AHDC1: variants seen among roughly 807,000 people sequenced by gnomAD.
AHDC1 encodes the protein AT-hook DNA binding motif containing 1.
AHDC1 carries 7 observed loss-of-function variants against 87.9 expected under a neutral mutation model. The ratio of observed to expected loss-of-function variants is 0.08; its 90% CI spans 0.05 to 0.15. The LOEUF (loss-of-function observed/expected upper bound fraction) is 0.15, where lower values mean the gene tolerates loss of function less well. Among genes scored for constraint, AHDC1 ranks in the 10% least tolerant of loss-of-function variants. AHDC1 has a pLI of 1.00. For synonymous variants in AHDC1, 1,051 were observed against 1,006.8 expected (o/e 1.04, Z -0.83); for missense variants, 1,841 against 2,253.2 (o/e 0.82, Z 3.70).
At chr1:27,575,756 C>T (rs1234584370) in intron 3 of AHDC1, among the ~76,000 whole-genome samples, 4 of 151,826 alleles carry the variant, frequency 2.6e-5, no homozygotes, top group Admixed American at 2.0e-4. Context: ...CTTCCCGCGC[C>T]CCGGGCCCGG....
At chr1:27,576,369 G>A (rs2088750050) in intron 3 of AHDC1, among the ~76,000 whole-genome samples, 1 of 152,144 alleles carries the variant, frequency 6.6e-6, no homozygotes, top group Non-Finnish European at 1.5e-5. Flanking sequence ...GAAAGCGTCC[G>A]GACATCTGAA....
rs1364631718 is a variant in AHDC1 at position 27,565,397 on chromosome 1, C to T, written c.-628-6514G>A. Reference sequence around the variant, plus strand: ...TCCAAGCTCATTCCATGAAGAGGGGCGAGAGAGGAAGGACAGAGGCCACTG... The same window carrying T: ...TCCAAGCTCATTCCATGAAGAGGGGTGAGAGAGGAAGGACAGAGGCCACTG... On this transcript the variant is annotated intron_variant, in intron 3 of 8. Transcript: ENST00000673934. This position sits in a 1 kb window ranked among gnomAD's most constrained non-coding sequence, Gnocchi z 4.6. Among the ~76,000 whole-genome samples the T allele has an allele frequency of 1.3e-5, 2 of 152,106 alleles. No homozygotes were observed. The highest frequency in any genetic ancestry group is 2.9e-5 in the Non-Finnish European group (2 of 68,016).
At position 27,576,693 on chromosome 1, in the gene AHDC1, A is replaced by G. The variant is rs529440914; in HGVS notation, c.-628-17810T>C. On this transcript the variant is annotated intron_variant, in intron 3 of 8. Coordinates refer to ENST00000673934, the MANE Select transcript of AHDC1 (RefSeq NM_001371928.1). ...GCTGCTTCCCTCCTCCCTTTCAGGC[A>G]GTCCCTGGGGACCCCTTCTGCTCTG... Among the ~76,000 whole-genome samples, 176 of 152,338 alleles carry G rather than the reference A, an allele frequency of 1.2e-3. 1 individual carries two copies. The highest frequency in any genetic ancestry group is 4.0e-3 in the African/African-American group (168 of 41,570).
intron 3 of AHDC1, among the ~76,000 whole-genome samples, chr1:27,581,926 A>C (rs1214219738): frequency 1.3e-5 from 2 of 151,318 alleles, no homozygotes; most frequent in Non-Finnish European, 2.9e-5. Context: ...CCACCCACAC[A>C]CTCACTCCGT....
At position 27,550,169 on chromosome 1, in the gene AHDC1, G is replaced by A. The variant is rs771829079; in HGVS notation, c.1947C>T (p.Ala649=). ...TPSEPESVHQ[A]PDTQSISHFL... ...AGTGGGAGATGCTCTGGGTGTCGGG[G>A]GCCTGGTGCACCGACTCCGGCTCAC... The change falls in exon 8 of 9, where the codon GCC becomes GCT. Residue 649 remains alanine (A), a synonymous_variant. Coordinates refer to ENST00000673934, the MANE Select transcript of AHDC1 (RefSeq NM_001371928.1). The A allele has an allele frequency of 5.0e-6, 8 of 1,611,648 alleles. No homozygotes were observed. Among genetic ancestry groups the A allele is most frequent in the Non-Finnish European group, 6.8e-6 (8 of 1,179,836 alleles).
At position 27,561,210 on chromosome 1, in the gene AHDC1, A is replaced by G. The variant is rs1462839319; in HGVS notation, c.-628-2327T>C. Among the ~76,000 whole-genome samples the G allele has an allele frequency of 6.6e-6, 1 of 152,314 alleles. No homozygotes were observed. Among genetic ancestry groups the G allele is most frequent in the East Asian group, 1.9e-4 (1 of 5,180 alleles). ...AAAAGATGGAAATCTGGGTGGCCCTAGAGCCCTCCAGTGGGGGTAGATTGG... is the reference window on the plus strand; with the variant it reads ...AAAAGATGGAAATCTGGGTGGCCCTGGAGCCCTCCAGTGGGGGTAGATTGG... On this transcript the variant is annotated intron_variant, in intron 3 of 8. Coordinates refer to ENST00000673934, the MANE Select transcript of AHDC1 (RefSeq NM_001371928.1). The surrounding 1 kb of genome is among the most constrained non-coding windows in gnomAD (Gnocchi z 4.2).
Position 27,551,205 on chromosome 1 carries a change from G to A in AHDC1, c.911C>T (p.Ala304Val). Residue 304 changes from alanine to valine, a missense_variant, in exon 8 of 9, where the codon GCT becomes GTT. By Grantham distance (64) the Ala-to-Val change is moderately conservative. Transcript: ENST00000673934. Reference protein sequence around the residue: ...ALELPPLQPLADPLGLPGLAL... With the variant: ...ALELPPLQPLVDPLGLPGLAL... ...CAGGCCCGGCAGCCCCAGAGGATCA[G>A]CAAGAGGTTGCAGGGGTGGCAGCTC... The A allele has an allele frequency of 6.2e-7, 1 of 1,610,012 alleles. No individual in the cohort carries two copies. Among genetic ancestry groups the A allele is most frequent in the South Asian group, 1.1e-5 (1 of 91,022 alleles).
chr1:27,600,952 T>C (rs2089513969), intron 3 of AHDC1, among the ~76,000 whole-genome samples: 1 of 152,166 alleles, frequency 6.6e-6, no homozygotes, highest in Non-Finnish European at 1.5e-5. Flanking sequence ...CCCTCACGCA[T>C]TGAAACTGAG....
At chr1:27,581,366 G>GA (rs2088903436) in intron 3 of AHDC1, among the ~76,000 whole-genome samples, 1 of 151,178 alleles carries the variant, frequency 6.6e-6, no homozygotes, top group Admixed American at 6.6e-5. Flanking sequence ...TTTCTGGAGA[G>GA]AAAGCCCCTA....
intron 8 of AHDC1, among the ~76,000 whole-genome samples, chr1:27,546,797 C>T (rs1024604211): frequency 6.6e-6 from 1 of 152,188 alleles, no homozygotes; most frequent in African/African-American, 2.4e-5. Context: ...AATGGGGGTG[C>T]CAGCAGGGCT....
In AHDC1 at chr1:27,568,446, C is replaced by A. The variant is rs1355051969; in HGVS notation, c.-628-9563G>T. Among the ~76,000 whole-genome samples the A allele has an allele frequency of 7.9e-5, 12 of 152,108 alleles. No individual in the cohort carries two copies. The East Asian group carries it at 2.3e-3, about 29-fold the overall frequency. On this transcript the variant is annotated intron_variant, in intron 3 of 8. Coordinates refer to ENST00000673934, the MANE Select transcript of AHDC1 (RefSeq NM_001371928.1). ...AGCAGAGCAGCTCGGTCTCAGGTCG[C>A]TCGCGTGTTCAGCCTCTCCCAGACT...
At chr1:27,555,703 C>T (rs1276594059) in intron 5 of AHDC1, among the ~76,000 whole-genome samples, 1 of 152,204 alleles carries the variant, frequency 6.6e-6, no homozygotes, top group Non-Finnish European at 1.5e-5. Context: ...GAGATGCCCA[C>T]CAGAAGCCCC....
chr1:27,555,331 G>C (rs2019769512), intron 5 of AHDC1, among the ~76,000 whole-genome samples: 1 of 152,204 alleles, frequency 6.6e-6, no homozygotes, highest in Non-Finnish European at 1.5e-5. Context: ...ACTGAGACTT[G>C]AAGAGGGAAA....
At chr1:27,540,009 G>A (rs2018834825) in intron 8 of AHDC1, among the ~76,000 whole-genome samples, 1 of 152,052 alleles carries the variant, frequency 6.6e-6, no homozygotes, top group Non-Finnish European at 1.5e-5. Context: ...TCCAGCTGGA[G>A]ATGCCATATG....
At position 27,550,225 on chromosome 1, in the gene AHDC1, G is replaced by A. The variant is rs2019460304; in HGVS notation, c.1891C>T (p.Arg631Trp). The change falls in exon 8 of 9, where the codon CGG (arginine) becomes TGG (tryptophan). Residue 631 changes from arginine (R) to tryptophan (W), a missense_variant. Arg to Trp is a moderately radical substitution (Grantham distance 101, BLOSUM62 -3). Around this residue, in one of 13 missense-constraint regions of AHDC1, gnomAD observed 84 missense variants for 111.7 expected, o/e 0.75. Transcript: ENST00000673934. ...FLNRQSQCAG[R>W]CSPPRCWTPS... ...GTCCAGCAGCGGGGCGGTGAGCACCGTCCAGCGCACTGGCTCTGGCGGTTC... is the reference window on the plus strand; with the variant it reads ...GTCCAGCAGCGGGGCGGTGAGCACCATCCAGCGCACTGGCTCTGGCGGTTC... The A allele has an allele frequency of 1.2e-6, 2 of 1,613,590 alleles. No homozygotes were observed. Among genetic ancestry groups the A allele is most frequent in the Non-Finnish European group, 1.7e-6 (2 of 1,179,932 alleles).
chr1:27,585,660 G>GC lies in AHDC1; in HGVS notation c.-629+17736dup, dbSNP rs150740281. 3.9e-3 allele frequency among the ~76,000 whole-genome samples: 598 copies of GC among 152,224 alleles called. 5 individuals carry two copies. Among genetic ancestry groups the GC allele is most frequent in the African/African-American group, 0.014 (585 of 41,520 alleles). On this transcript the variant is annotated intron_variant, in intron 3 of 8. Coordinates refer to ENST00000673934, the MANE Select transcript of AHDC1 (RefSeq NM_001371928.1). Reference sequence around the variant, plus strand: ...AGCAGAGACTGCACACCTTCGAGAAGCCCCTTGTGGCAGGGACCCCCTCCT... The same window carrying GC: ...AGCAGAGACTGCACACCTTCGAGAAGCCCCCTTGTGGCAGGGACCCCCTCCT...
chr1:27,544,287 G>C (rs1302698042), intron 8 of AHDC1, among the ~76,000 whole-genome samples: 2 of 152,192 alleles, frequency 1.3e-5, no homozygotes, highest in African/African-American at 2.4e-5. Context: ...AGGGGGCAGA[G>C]GGCTGACTTC....
Position 27,551,406 on chromosome 1 carries a change from G to A in AHDC1, c.710C>T (p.Ser237Leu). The A allele has an allele frequency of 1.2e-6, 2 of 1,613,664 alleles. No individual in the cohort carries two copies. Among genetic ancestry groups the A allele is most frequent in the Non-Finnish European group, 1.7e-6 (2 of 1,179,952 alleles). Residue 237 changes from serine (S) to leucine (L), a missense_variant, in exon 8 of 9, where the codon TCA (serine) becomes TTA (leucine). Physicochemically the swap from Ser to Leu is moderately radical, Grantham distance 145. Around this residue, in one of 13 missense-constraint regions of AHDC1, gnomAD observed 370 missense variants for 391.5 expected, o/e 0.95. Coordinates refer to ENST00000673934, the MANE Select transcript of AHDC1 (RefSeq NM_001371928.1). ...PEPEPDSTDY[S>L]ELADADILSE... ...AAGGATGTCGGCGTCAGCAAGTTCT[G>A]AGTAATCAGTGCTGTCTGGCTCAGG... is the stretch of plus-strand genomic sequence containing the variant.
intron 3 of AHDC1, among the ~76,000 whole-genome samples, chr1:27,588,404 T>C (rs1223471774): frequency 6.6e-6 from 1 of 152,184 alleles, no homozygotes; most frequent in Non-Finnish European, 1.5e-5. Flanking sequence ...TCATCAATGC[T>C]CAATCAATAT....
Sources: allele counts gnomAD v4.1 joint callset (sites outside exome capture counted in the v4.1 genomes callset), GRCh38; gene constraint gnomAD v4.1.1; regional missense constraint gnomAD v4.1.1; non-coding constraint Gnocchi (gnomAD v3.1); transcripts MANE v1.5; gene names NCBI Gene and HGNC (gene_info 2026-07-23, HGNC 2026-07-21).